PPFIA1: variants seen among roughly 807,000 people sequenced by gnomAD.
The protein encoded by PPFIA1 is PPFI scaffold protein A1.
PPFIA1 carries 25 observed loss-of-function variants against 149.9 expected under a neutral mutation model. That is an observed-to-expected ratio of 0.17 (90% CI 0.12 to 0.23). The LOEUF (loss-of-function observed/expected upper bound fraction) is 0.23. Among genes scored for constraint, PPFIA1 ranks in the 10% least tolerant of loss-of-function variants. The pLI, the probability that PPFIA1 is intolerant of heterozygous loss-of-function variation, is 1.00. For synonymous variants in PPFIA1, 549 were observed against 552.8 expected, an observed-to-expected ratio of 0.99 and a Z score of 0.10; for missense variants, 1,362 against 1,506.5, an observed-to-expected ratio of 0.90 and a Z score of 1.59.
intron 19 of PPFIA1, among the ~76,000 whole-genome samples, chr11:70,359,528 G>A (rs1414325424): frequency 6.6e-6 from 1 of 152,106 alleles, no homozygotes; most frequent in Non-Finnish European, 1.5e-5. Context: ...AACTGTACCT[G>A]TGAAAGCAAG....
intron 21 of PPFIA1, chr11:70,365,480 A>G (rs2056875262): frequency 2.2e-6 from 1 of 455,720 alleles, no homozygotes; most frequent in African/African-American, 2.0e-5. Flanking sequence ...CGCGTTTTCC[A>G]CTTAAGACCG....
chr11:70,305,845 G>C (rs1177441313), intron 2 of PPFIA1, among the ~76,000 whole-genome samples: 2 of 152,164 alleles, frequency 1.3e-5, no homozygotes, highest in African/African-American at 2.4e-5. Context: ...TAATGTTTAA[G>C]TAAAAGTAAT....
intron 2 of PPFIA1, among the ~76,000 whole-genome samples, chr11:70,319,413 G>A (rs112150440): frequency 0.027 from 4,180 of 152,318 alleles, 100 homozygotes; most frequent in Non-Finnish European, 0.038. Context: ...GAAGGGCACG[G>A]CTCATGAGAA....
At chr11:70,305,231 GAAAAC>G (rs1480342243) in intron 2 of PPFIA1, among the ~76,000 whole-genome samples, 2 of 152,172 alleles carry the variant, frequency 1.3e-5, no homozygotes, top group East Asian at 3.9e-4. Context: ...AAAAAGGGGA[GAAAAC>G]ATAGGTTCAG....
chr11:70,376,887 CA>C (rs1344653075), intron 25 of PPFIA1, among the ~76,000 whole-genome samples: 2 of 152,150 alleles, frequency 1.3e-5, no homozygotes, highest in African/African-American at 2.4e-5. Context: ...GCCCGGCCAA[CA>C]TGGTGAAACC....
intron 16 of PPFIA1, among the ~76,000 whole-genome samples, chr11:70,352,831 G>A (rs1026640213): frequency 2.7e-5 from 4 of 150,358 alleles, no homozygotes; most frequent in East Asian, 2.0e-4. Context: ...GGAGGGCGGC[G>A]TGTGGAGGGA....
In PPFIA1 at chr11:70,326,356, G is replaced by C; in HGVS notation, c.701G>C (p.Ser234Thr). 1 of 1,594,350 alleles carries C rather than the reference G, an allele frequency of 6.3e-7. No homozygotes were observed. Among genetic ancestry groups the C allele is most frequent in the Non-Finnish European group, 8.6e-7 (1 of 1,164,210 alleles). Residue 234 changes from serine (S) to threonine (T), a missense_variant, in exon 6 of 28, where the codon AGT (serine) becomes ACT (threonine). By Grantham distance (58) the Ser-to-Thr change is moderately conservative. This residue lies in a region of PPFIA1 where 733 missense variants were observed against 744.1 expected (regional missense o/e 0.99). Coordinates refer to ENST00000253925, the MANE Select transcript of PPFIA1 (RefSeq NM_003626.5). ...NHEQENTPST[S>T]GKRSSDGSLS... Reference sequence around the variant, plus strand: ...GAACAAGAAAATACACCAAGCACGAGTGGAAAGGCAAGTCTGTAGGCTTTG... The same window carrying C: ...GAACAAGAAAATACACCAAGCACGACTGGAAAGGCAAGTCTGTAGGCTTTG...
intron 15 of PPFIA1, among the ~76,000 whole-genome samples, chr11:70,346,322 G>A (rs1422341416): frequency 6.6e-6 from 1 of 152,124 alleles, no homozygotes; most frequent in Non-Finnish European, 1.5e-5. Context: ...GCCACGACTT[G>A]CTTGTGAAGT....
intron 2 of PPFIA1, among the ~76,000 whole-genome samples, chr11:70,295,176 G>C (rs1565355520): frequency 6.7e-6 from 1 of 150,150 alleles, no homozygotes; most frequent in African/African-American, 2.5e-5. Flanking sequence ...GGCTGGCCGG[G>C]CGGGGGGCTG....
chr11:70,306,053 G>A (rs1235849185), intron 2 of PPFIA1, among the ~76,000 whole-genome samples: 1 of 152,182 alleles, frequency 6.6e-6, no homozygotes, highest in Non-Finnish European at 1.5e-5. Context: ...TAGTAAGGCA[G>A]CCCTCATTTT....
intron 6 of PPFIA1, 66 bp downstream of exon 6, chr11:70,326,429 G>A: frequency 1.4e-6 from 2 of 1,426,656 alleles, no homozygotes; most frequent in Non-Finnish European, 1.9e-6. Flanking sequence ...GTCGGGTTAT[G>A]TGGAAAACAG....
At chr11:70,300,913 A>G (rs562435138) in intron 2 of PPFIA1, among the ~76,000 whole-genome samples, 2 of 152,324 alleles carry the variant, frequency 1.3e-5, no homozygotes, top group Admixed American at 1.3e-4. Flanking sequence ...TGAGGGGGCA[A>G]AAGAAACCAC....
rs1271674643 is a variant in PPFIA1 at position 70,291,880 on chromosome 11, C to T, written c.264+19444C>T. Among the ~76,000 whole-genome samples, 7 of 150,636 alleles carry T rather than the reference C, an allele frequency of 4.6e-5. No homozygotes were observed. In the South Asian group the frequency reaches 1.3e-3, roughly 28 times the overall value. On this transcript the variant is annotated intron_variant, in intron 2 of 27. Coordinates refer to ENST00000253925, the MANE Select transcript of PPFIA1 (RefSeq NM_003626.5). The stretch of plus-strand genomic sequence containing the variant: ...TTTGAGACAGTCTTGCTCTGTCGCC[C>T]AGGCTGGAGTGTAGTGGTGCGATCT...
At chr11:70,288,346 A>G (rs111279638) in intron 2 of PPFIA1, among the ~76,000 whole-genome samples, 4 of 152,288 alleles carry the variant, frequency 2.6e-5, no homozygotes, top group African/African-American at 9.6e-5. Flanking sequence ...CTGGGATTAC[A>G]GGCATCAGCC....
At position 70,272,148 on chromosome 11, in the gene PPFIA1, T is replaced by G. The variant is rs900980858; in HGVS notation, c.1-25T>G. 1 of 1,608,906 alleles carries G rather than the reference T, an allele frequency of 6.2e-7. No individual in the cohort carries two copies. Among genetic ancestry groups the G allele is most frequent in the African/African-American group, 1.3e-5 (1 of 74,784 alleles). Reference sequence around the variant, plus strand: ...GAACCTGTATTCTGAGCTTAATTACTGTAGCCTGGGTCTTTCATTTCAAGA... The same window carrying G: ...GAACCTGTATTCTGAGCTTAATTACGGTAGCCTGGGTCTTTCATTTCAAGA... On this transcript the variant is annotated intron_variant, in intron 1 of 27. Coordinates refer to ENST00000253925, the MANE Select transcript of PPFIA1 (RefSeq NM_003626.5).
intron 21 of PPFIA1, chr11:70,367,615 A>G (rs536506732): frequency 2.2e-5 from 10 of 455,180 alleles, no homozygotes; most frequent in South Asian, 1.6e-4. Flanking sequence ...CTGCTAAGGC[A>G]GCCCAGGAGA....
In PPFIA1 at chr11:70,300,754, C is replaced by T. The variant is rs575255662; in HGVS notation, c.265-23648C>T. ...TTCACCATGTTGGCCAGGATGGTCT[C>T]GATCTCCTGATCTTGTGATCCGCCC... On this transcript the variant is annotated intron_variant, in intron 2 of 27. Transcript: ENST00000253925. Among the ~76,000 whole-genome samples the T allele has an allele frequency of 3.3e-5, 5 of 152,262 alleles. No homozygotes were observed. In the East Asian group the frequency reaches 9.7e-4, roughly 29 times the overall value.
chr11:70,374,736 G>A (rs1478002197), intron 23 of PPFIA1, 182 bp from the exon 24 acceptor site: 8 of 561,414 alleles, frequency 1.4e-5, no homozygotes, highest in Non-Finnish European at 2.5e-5. Context: ...AGTGGAGCAG[G>A]GCCAGGACAC....
intron 2 of PPFIA1, among the ~76,000 whole-genome samples, chr11:70,317,582 T>A (rs1165261656): frequency 6.6e-6 from 1 of 152,200 alleles, no homozygotes. Context: ...GAGGCAAATC[T>A]AAAATCTGGA....
Sources: gnomAD v4.1 joint callset for allele counts (sites outside exome capture counted in the v4.1 genomes callset) on GRCh38, gnomAD v4.1.1 for gene constraint, gnomAD v4.1.1 regional missense constraint, MANE v1.5 for transcripts, NCBI Gene and HGNC (gene_info 2026-07-23, HGNC 2026-07-21) for gene names.